The following TENM4 variants were observed in gnomAD, a reference collection of about 807,000 sequenced individuals.
TENM4 encodes teneurin-4.
In TENM4, 82 loss-of-function variants were observed where a neutral mutation model predicts 243.3. The ratio of observed to expected loss-of-function variants is 0.34; its 90% CI spans 0.28 to 0.40. TENM4 has a LOEUF of 0.40. TENM4 is among the 10% of genes least tolerant of loss of function. The pLI is 1.00. For missense variants in TENM4, 3,138 were observed against 3,673.3 expected, an observed-to-expected ratio of 0.85 and a Z score of 3.77; for synonymous variants, 1,412 against 1,456.3, an observed-to-expected ratio of 0.97 and a Z score of 0.69.
chr11:79,288,612 C>T (rs1856299332), intron 2 of TENM4, among the ~76,000 whole-genome samples: 1 of 152,206 alleles, frequency 6.6e-6, no homozygotes, highest in African/African-American at 2.4e-5. Flanking sequence ...TACGATAAAT[C>T]CCAGCTTATC....
intron 1 of TENM4, among the ~76,000 whole-genome samples, chr11:79,358,550 A>G (rs1176765977): frequency 2.0e-5 from 3 of 152,142 alleles, no homozygotes; most frequent in Non-Finnish European, 2.9e-5. Context: ...CTTTGTAAGA[A>G]GCTGCATTCA....
At chr11:79,068,711 C>G (rs1353507863) in intron 5 of TENM4, among the ~76,000 whole-genome samples, 1 of 152,134 alleles carries the variant, frequency 6.6e-6, no homozygotes, top group African/African-American at 2.4e-5. Context: ...CAACAGGCAT[C>G]AAAGAGGGCT....
At chr11:78,983,584 TG>T (rs1857851520) in intron 6 of TENM4, among the ~76,000 whole-genome samples, 1 of 152,194 alleles carries the variant, frequency 6.6e-6, no homozygotes, top group South Asian at 2.1e-4. Flanking sequence ...TTGCACAGTG[TG>T]GTACATACTG....
Position 79,356,056 on chromosome 11 carries a change from C to T in TENM4, c.-320-58513G>A, listed in dbSNP as rs578007265. ...CACCCCAGGCAGTAGCACTGTGAGC[C>T]ACCCAGTGGTGGATCTCATCAGTGG... is the stretch of plus-strand genomic sequence containing the variant. On this transcript the variant is annotated intron_variant, in intron 1 of 33. Transcript: ENST00000278550. Among the ~76,000 whole-genome samples, 3 of 152,304 alleles carry T rather than the reference C, an allele frequency of 2.0e-5. No individual in the cohort carries two copies. The South Asian group carries it at 6.2e-4, about 32-fold the overall frequency.
chr11:78,782,505 G>C (rs1856858166), intron 16 of TENM4, among the ~76,000 whole-genome samples: 1 of 152,156 alleles, frequency 6.6e-6, no homozygotes, highest in Non-Finnish European at 1.5e-5. Flanking sequence ...GCTGAGGCAG[G>C]AGAATCACTT....
intron 9 of TENM4, among the ~76,000 whole-genome samples, chr11:78,879,430 C>T (rs1483422621): frequency 1.6e-4 from 24 of 148,440 alleles, no homozygotes; most frequent in Non-Finnish European, 1.8e-4. Context: ...CCGGCCGCCC[C>T]GTCTGGGAGG....
At chr11:78,760,358 C>T (rs895888336) in intron 18 of TENM4, among the ~76,000 whole-genome samples, 2 of 152,218 alleles carry the variant, frequency 1.3e-5, no homozygotes, top group African/African-American at 4.8e-5. Flanking sequence ...GACCCCAGTT[C>T]CCAATTCTCA....
At chr11:79,226,722 T>C (rs185940006) in intron 2 of TENM4, among the ~76,000 whole-genome samples, 7 of 152,360 alleles carry the variant, frequency 4.6e-5, no homozygotes, top group Admixed American at 4.6e-4. Context: ...TTGTAGACTT[T>C]ACCGCCCCCT....
At chr11:78,878,081 C>A (rs1859316480) in intron 9 of TENM4, among the ~76,000 whole-genome samples, 2 of 152,210 alleles carry the variant, frequency 1.3e-5, no homozygotes, top group Non-Finnish European at 2.9e-5. Context: ...TAGTTTCGAG[C>A]AGCCATTTTT....
intron 6 of TENM4, among the ~76,000 whole-genome samples, chr11:78,982,708 C>T (rs556480524): frequency 9.2e-5 from 14 of 152,322 alleles, no homozygotes; most frequent in Non-Finnish European, 1.8e-4. Context: ...CTCAGAAGGG[C>T]TTATACAAAG....
At chr11:78,956,904 T>C (rs1285472825) in intron 6 of TENM4, among the ~76,000 whole-genome samples, 1 of 152,230 alleles carries the variant, frequency 6.6e-6, no homozygotes, top group Non-Finnish European at 1.5e-5. Context: ...TCCATTTTCT[T>C]TTTTAAATCT....
intron 14 of TENM4, among the ~76,000 whole-genome samples, chr11:78,809,938 T>G (rs544701505): frequency 3.3e-5 from 5 of 152,270 alleles, no homozygotes; most frequent in Admixed American, 3.3e-4. Context: ...GGGTCTCACT[T>G]TTCACTGTGA....
intron 6 of TENM4, among the ~76,000 whole-genome samples, chr11:78,943,197 C>T (rs1856940481): frequency 6.6e-6 from 1 of 152,208 alleles, no homozygotes; most frequent in African/African-American, 2.4e-5. Flanking sequence ...GGTGGCAACC[C>T]CCAAGCTAGG....
chr11:79,129,218 C>T (rs1861946418), intron 4 of TENM4, among the ~76,000 whole-genome samples: 1 of 151,328 alleles, frequency 6.6e-6, no homozygotes, highest in Non-Finnish European at 1.5e-5. Flanking sequence ...GCCCTGGGAG[C>T]TTGCTGGGAG....
At chr11:79,048,086 T>TA (rs1859702505) in intron 6 of TENM4, among the ~76,000 whole-genome samples, 1 of 152,128 alleles carries the variant, frequency 6.6e-6, no homozygotes, top group Non-Finnish European at 1.5e-5. Flanking sequence ...TGATTTGGGA[T>TA]AAAAAAGGAA....
chr11:78,738,919 C>T (rs566613482), intron 19 of TENM4, among the ~76,000 whole-genome samples: 1 of 151,996 alleles, frequency 6.6e-6, no homozygotes, highest in South Asian at 2.1e-4. Flanking sequence ...GATCTGGGGT[C>T]TAATCTTGGC....
At chr11:78,703,119 T>C (rs1859149562) in intron 27 of TENM4, among the ~76,000 whole-genome samples, 1 of 152,042 alleles carries the variant, frequency 6.6e-6, no homozygotes, top group Non-Finnish European at 1.5e-5. Context: ...ACCCCACCCT[T>C]GGTGGGTGAA....
chr11:78,740,253 G>A (rs957817611), intron 19 of TENM4, among the ~76,000 whole-genome samples: 2 of 152,142 alleles, frequency 1.3e-5, no homozygotes, highest in African/African-American at 4.8e-5. Flanking sequence ...TCTGTTGGAC[G>A]AGAAAAGCAA....
intron 2 of TENM4, among the ~76,000 whole-genome samples, chr11:79,282,286 T>C (rs905655967): frequency 3.9e-5 from 6 of 152,174 alleles, no homozygotes; most frequent in Non-Finnish European, 7.3e-5. Context: ...CCTCATCAGA[T>C]TGGGTGGCCC....
Sources: gnomAD v4.1 joint callset for allele counts (sites outside exome capture counted in the v4.1 genomes callset) on GRCh38, gnomAD v4.1.1 for gene constraint, MANE v1.5 for transcripts, NCBI Gene and HGNC (gene_info 2026-07-23, HGNC 2026-07-21) for gene names.